VTI1A: variants seen among roughly 807,000 people sequenced by gnomAD.
The protein encoded by VTI1A is vesicle transport through interaction with t-SNAREs 1A.
In VTI1A, 22 loss-of-function variants were observed where a neutral mutation model predicts 34.9. The ratio of observed to expected loss-of-function variants is 0.63; its 90% CI spans 0.45 to 0.90. VTI1A has a LOEUF of 0.90. Among genes scored for constraint, VTI1A ranks in the 40% least tolerant of loss-of-function variants. The probability of loss-of-function intolerance (pLI) is 0.00; values close to 1 mark genes in which losing one functional copy is unlikely to be tolerated. For synonymous variants in VTI1A, 87 were observed against 97.3 expected (o/e 0.89, Z 0.62); for missense variants, 268 against 275.6 (o/e 0.97, Z 0.20).
chr10:112,760,905 A>G (rs962644713), intron 7 of VTI1A, among the ~76,000 whole-genome samples: 1 of 152,004 alleles, frequency 6.6e-6, no homozygotes, highest in African/African-American at 2.4e-5. Context: ...AAAAAAAAAA[A>G]AAACCAAAAA....
intron 2 of VTI1A, among the ~76,000 whole-genome samples, chr10:112,461,208 T>C (rs1197122335): frequency 6.6e-6 from 1 of 152,240 alleles, no homozygotes; most frequent in Non-Finnish European, 1.5e-5. Flanking sequence ...TTAGAATACC[T>C]TAGAGGAATA....
intron 5 of VTI1A, among the ~76,000 whole-genome samples, chr10:112,572,981 GTTCTTTTTCCT>G (rs776228781): frequency 1.1e-3 from 172 of 152,018 alleles, no homozygotes; most frequent in Admixed American, 2.1e-3. Flanking sequence ...TGTCTGGAAA[GTTCTTTTTCCT>G]GAAGCATCCC....
At chr10:112,748,891 A>T (rs1851005184) in intron 7 of VTI1A, among the ~76,000 whole-genome samples, 1 of 152,028 alleles carries the variant, frequency 6.6e-6, no homozygotes, top group Non-Finnish European at 1.5e-5. Context: ...AGCCTCCCAA[A>T]GTGCTGGGAT....
chr10:112,686,696 G>A (rs551710504), intron 7 of VTI1A, among the ~76,000 whole-genome samples: 6 of 152,330 alleles, frequency 3.9e-5, no homozygotes, highest in Non-Finnish European at 7.3e-5. Flanking sequence ...CAGCCACGGT[G>A]TAAGTGCCTA....
chr10:112,573,473 A>G (rs1334187811), intron 5 of VTI1A, among the ~76,000 whole-genome samples: 1 of 152,238 alleles, frequency 6.6e-6, no homozygotes. Context: ...TGACAATGGT[A>G]TTTGCATGTT....
intron 7 of VTI1A, among the ~76,000 whole-genome samples, chr10:112,780,774 C>T (rs1325333348): frequency 3.3e-5 from 5 of 151,996 alleles, no homozygotes; most frequent in East Asian, 1.9e-4. Context: ...GGCACGATTC[C>T]GCCTCTGTTT....
At chr10:112,759,968 A>G (rs1232712255) in intron 7 of VTI1A, among the ~76,000 whole-genome samples, 1 of 152,246 alleles carries the variant, frequency 6.6e-6, no homozygotes, top group Non-Finnish European at 1.5e-5. Context: ...GCAGTTTGGG[A>G]TGGGAGAACA....
At chr10:112,638,093 C>T (rs2134653544) in intron 5 of VTI1A, among the ~76,000 whole-genome samples, 1 of 152,306 alleles carries the variant, frequency 6.6e-6, no homozygotes, top group Admixed American at 6.5e-5. Flanking sequence ...GTGAAGCATT[C>T]GTAGCAATCC....
At chr10:112,627,328 G>A (rs530085388) in intron 5 of VTI1A, among the ~76,000 whole-genome samples, 1 of 152,244 alleles carries the variant, frequency 6.6e-6, no homozygotes, top group African/African-American at 2.4e-5. Flanking sequence ...GAAAACTAGA[G>A]ATACCTAAAT....
chr10:112,702,488 C>T (rs762529304), intron 7 of VTI1A, among the ~76,000 whole-genome samples: 4 of 152,190 alleles, frequency 2.6e-5, no homozygotes, highest in East Asian at 1.9e-4. Context: ...GGCACAATCT[C>T]GGCTCACTGA....
intron 7 of VTI1A, among the ~76,000 whole-genome samples, chr10:112,706,772 T>G (rs933769120): frequency 2.6e-5 from 4 of 152,186 alleles, no homozygotes; most frequent in Non-Finnish European, 5.9e-5. Flanking sequence ...TTCATGTGTT[T>G]TCAGGATGCC....
chr10:112,544,588 C>G (rs1346827829), intron 5 of VTI1A, among the ~76,000 whole-genome samples: 1 of 151,806 alleles, frequency 6.6e-6, no homozygotes, highest in African/African-American at 2.4e-5. Flanking sequence ...ACGGCACCAG[C>G]CTGCACAACA....
chr10:112,800,654 A>G (rs1243107092), intron 7 of VTI1A, among the ~76,000 whole-genome samples: 1 of 152,214 alleles, frequency 6.6e-6, no homozygotes, highest in Non-Finnish European at 1.5e-5. Context: ...GGGAAAGCAG[A>G]GCGTTGATTC....
chr10:112,778,647 T>C (rs1852021701), intron 7 of VTI1A, among the ~76,000 whole-genome samples: 2 of 152,292 alleles, frequency 1.3e-5, no homozygotes, highest in East Asian at 1.9e-4. Flanking sequence ...GTCACCTTAA[T>C]GAAAGCTTCA....
chr10:112,766,670 C>T (rs1199136284), intron 7 of VTI1A, among the ~76,000 whole-genome samples: 1 of 152,188 alleles, frequency 6.6e-6, no homozygotes, highest in East Asian at 1.9e-4. Context: ...ACTAAAATCT[C>T]CCATTGGATT....
chr10:112,492,951 G>A (rs947622022), intron 3 of VTI1A, among the ~76,000 whole-genome samples: 3 of 152,048 alleles, frequency 2.0e-5, no homozygotes, highest in Non-Finnish European at 4.4e-5. Context: ...TGTGCAGTCC[G>A]TCCTCATTCG....
intron 3 of VTI1A, among the ~76,000 whole-genome samples, chr10:112,526,562 G>A (rs1447091772): frequency 6.6e-6 from 1 of 152,090 alleles, no homozygotes; most frequent in Non-Finnish European, 1.5e-5. Context: ...TTTCTGGTTA[G>A]TAGCATCACA....
chr10:112,474,459 T>C (rs1318001182), intron 3 of VTI1A, among the ~76,000 whole-genome samples: 2 of 136,006 alleles, frequency 1.5e-5, no homozygotes, highest in African/African-American at 5.5e-5. Flanking sequence ...CATTCTTTCC[T>C]TTTTTTTTTT....
intron 1 of VTI1A, among the ~76,000 whole-genome samples, chr10:112,454,822 G>A (rs1847376044): frequency 6.6e-6 from 1 of 151,840 alleles, no homozygotes; most frequent in Admixed American, 6.6e-5. Context: ...CCCCATTAGA[G>A]TTCCAACTCT....
Sources: gnomAD v4.1 joint callset for allele counts (sites outside exome capture counted in the v4.1 genomes callset) on GRCh38, gnomAD v4.1.1 for gene constraint, MANE v1.5 for transcripts, NCBI Gene and HGNC (gene_info 2026-07-23, HGNC 2026-07-21) for gene names.